RAB31: variants seen among roughly 807,000 people sequenced by gnomAD.
The protein encoded by RAB31 is ras-related protein Rab-31.
A neutral mutation model predicts 25.6 loss-of-function variants in RAB31; 21 were observed. The ratio of observed to expected loss-of-function variants is 0.82; its 90% CI spans 0.58 to 1.18. RAB31 has a LOEUF of 1.18. RAB31 is among the 50% of genes most tolerant of loss of function. The pLI is 0.00. For synonymous variants in RAB31, 87 were observed against 84.0 expected (o/e 1.04, Z -0.20); for missense variants, 196 against 250.1 (o/e 0.78, Z 1.46).
chr18:9,807,615 G>T (rs970199204), intron 3 of RAB31, among the ~76,000 whole-genome samples: 8 of 152,086 alleles, frequency 5.3e-5, no homozygotes, highest in African/African-American at 1.9e-4. Flanking sequence ...TTAAATCATT[G>T]ATTTATTTTT....
At chr18:9,851,268 T>C (rs892706812) in intron 6 of RAB31, among the ~76,000 whole-genome samples, 9 of 152,300 alleles carry the variant, frequency 5.9e-5, no homozygotes, top group Middle Eastern at 3.4e-3. Flanking sequence ...ATTTAGTGAA[T>C]GTAAAATAAT....
rs549896279 is a variant in RAB31, at chr18:9,859,626, G to A, written c.*301G>A. On this transcript the variant is annotated 3_prime_UTR_variant, in exon 7 of 7. Coordinates refer to ENST00000578921, the MANE Select transcript of RAB31 (RefSeq NM_006868.4). ...AAAACCTTTAAAAATTGTTGGATGT[G>A]TACAAAAGTCTTACTGCCTTATTAT... 2.0e-5 allele frequency: 5 copies of A among 245,442 alleles called. No homozygotes were observed. The South Asian group carries it at 4.9e-4, about 24-fold the overall frequency. The allele number at this position is 245,442 out of a possible 1,614,324, so 15.2% of individuals were successfully genotyped here.
chr18:9,720,778 A>C (rs1314269628), intron 1 of RAB31, among the ~76,000 whole-genome samples: 1 of 151,218 alleles, frequency 6.6e-6, no homozygotes, highest in Non-Finnish European at 1.5e-5. Flanking sequence ...GGACAAGGAG[A>C]TGCTTGACAG....
chr18:9,729,767 G>A (rs79547694), intron 1 of RAB31, among the ~76,000 whole-genome samples: 3,136 of 151,462 alleles, frequency 0.021, 111 homozygotes, highest in South Asian at 0.15. Flanking sequence ...ATTTCCATGT[G>A]TATGTGTGTC....
Position 9,765,045 on chromosome 18 carries a change from T to C in RAB31, c.40-10233T>C, listed in dbSNP as rs190148049. 5.7e-3 allele frequency among the ~76,000 whole-genome samples: 861 copies of C among 152,182 alleles called. 3 individuals carry two copies. The highest frequency in any genetic ancestry group is 9.3e-3 in the Non-Finnish European group (634 of 67,990). Reference sequence around the variant, plus strand: ...TTGGCTCACGGCAACCTACGCCTCCTGGGCTCAAGCAATTCTCTTGCCTCA... The same window carrying C: ...TTGGCTCACGGCAACCTACGCCTCCCGGGCTCAAGCAATTCTCTTGCCTCA... On this transcript the variant is annotated intron_variant, in intron 1 of 6. Coordinates refer to ENST00000578921, the MANE Select transcript of RAB31 (RefSeq NM_006868.4).
intron 1 of RAB31, among the ~76,000 whole-genome samples, chr18:9,747,626 T>C (rs2068212295): frequency 6.6e-6 from 1 of 152,192 alleles, no homozygotes; most frequent in Non-Finnish European, 1.5e-5. Context: ...ACATATTGTG[T>C]GATTCCTTTC....
rs563000295 is a variant in RAB31, at chr18:9,833,323, C to T, written c.381-12259C>T. 9.9e-5 allele frequency among the ~76,000 whole-genome samples: 15 copies of T among 152,244 alleles called. No individual in the cohort carries two copies. The South Asian group carries it at 1.7e-3, about 17-fold the overall frequency. The stretch of plus-strand genomic sequence containing the variant: ...GTGCTTTGGCTCCTGGGGTTCTGCC[C>T]GCAGCCCACAGGGGCCCGGAAGTGT... On this transcript the variant is annotated intron_variant, in intron 5 of 6. Transcript: ENST00000578921.
In RAB31 at chr18:9,708,983, A is replaced by C. The variant is rs1348360735; in HGVS notation, c.39+539A>C. On this transcript the variant is annotated intron_variant, in intron 1 of 6. Coordinates refer to ENST00000578921, the MANE Select transcript of RAB31 (RefSeq NM_006868.4). The surrounding 1 kb of genome is among the most constrained non-coding windows in gnomAD (Gnocchi z 6.4). The stretch of plus-strand genomic sequence containing the variant: ...TTTACTCACGTAAAACAGAAAAATA[A>C]AACCAAAAGCGAACCCAGCCAAGGG... 6.6e-6 allele frequency among the ~76,000 whole-genome samples: 1 copy of C among 152,232 alleles called. No homozygotes were observed. Among genetic ancestry groups the C allele is most frequent in the Non-Finnish European group, 1.5e-5 (1 of 68,032 alleles).
At chr18:9,767,551 C>T (rs925756811) in intron 1 of RAB31, among the ~76,000 whole-genome samples, 2 of 152,074 alleles carry the variant, frequency 1.3e-5, no homozygotes, top group Admixed American at 6.5e-5. Context: ...CCACTTTGAT[C>T]GAGTCACAAT....
chr18:9,801,933 G>T (rs1028455011), intron 3 of RAB31, among the ~76,000 whole-genome samples: 1 of 152,190 alleles, frequency 6.6e-6, no homozygotes, highest in African/African-American at 2.4e-5. Flanking sequence ...TTATTGAAAA[G>T]ACTATTCTTT....
intron 3 of RAB31, 138 bp downstream of exon 3, chr18:9,792,373 A>C (rs1599040437): frequency 7.1e-7 from 1 of 1,417,458 alleles, no homozygotes; most frequent in East Asian, 2.6e-5. Flanking sequence ...CAAAAAGAAA[A>C]TGTACTCATT....
At chr18:9,841,520 T>TA (rs573469616) in intron 5 of RAB31, among the ~76,000 whole-genome samples, 163 of 125,950 alleles carry the variant, frequency 1.3e-3, no homozygotes, top group South Asian at 7.3e-3. Context: ...GCCTGGGCGA[T>TA]AGAGTGAGAC....
Position 9,792,378 on chromosome 18 carries a change from C to T in RAB31, c.201+143C>T, listed in dbSNP as rs533235209. On this transcript the variant is annotated intron_variant, in intron 3 of 6. Transcript: ENST00000578921. ...ATGATGTAAGCAAAAAGAAAATGTA[C>T]TCATTAGCTATGTGAAAAGTCTAAG... The T allele has an allele frequency of 3.6e-6, 5 of 1,405,176 alleles. No homozygotes were observed. In the East Asian group the frequency reaches 7.9e-5, roughly 22 times the overall value. The allele number at this position is 1,405,176 out of a possible 1,614,324, so 87.0% of individuals were successfully genotyped here.
rs912209242 is a variant in RAB31, at chr18:9,862,445, A to T, written c.*3120A>T. The T allele has an allele frequency of 1.3e-5, 2 of 152,206 alleles. No individual in the cohort carries two copies. Among genetic ancestry groups the T allele is most frequent in the African/African-American group, 4.8e-5 (2 of 41,452 alleles). The allele number at this position is 152,206 out of a possible 1,614,324, so 9.4% of individuals were successfully genotyped here. On this transcript the variant is annotated 3_prime_UTR_variant, in exon 7 of 7. Transcript: ENST00000578921. ...TGCAGTCAGCTAGGACCTTTCCGCC[A>T]TGTATTCTATTCTGTAGTAAAGCAT...
At chr18:9,719,376 A>G (rs7505634) in intron 1 of RAB31, among the ~76,000 whole-genome samples, 4,528 of 128,826 alleles carry the variant, frequency 0.035, 152 homozygotes, top group Middle Eastern at 0.11. Context: ...ATGATCTAGT[A>G]GTGAAATGAT....
chr18:9,746,613 A>G (rs762517333), intron 1 of RAB31, among the ~76,000 whole-genome samples: 15 of 152,244 alleles, frequency 9.9e-5, no homozygotes, highest in Non-Finnish European at 1.6e-4. Flanking sequence ...AAATAAATTC[A>G]TACATTTATG....
At chr18:9,796,474 T>C (rs1415946453) in intron 3 of RAB31, among the ~76,000 whole-genome samples, 1 of 152,226 alleles carries the variant, frequency 6.6e-6, no homozygotes, top group East Asian at 1.9e-4. Context: ...AGATGTGGAA[T>C]TGCTAGTTCA....
intron 1 of RAB31, among the ~76,000 whole-genome samples, chr18:9,755,515 A>G (rs1422203017): frequency 6.6e-6 from 1 of 152,196 alleles, no homozygotes; most frequent in Non-Finnish European, 1.5e-5. Context: ...CACGCTGTCA[A>G]TTTTAGCTCA....
intron 1 of RAB31, among the ~76,000 whole-genome samples, chr18:9,727,834 A>C (rs2068102901): frequency 6.6e-6 from 1 of 152,236 alleles, no homozygotes; most frequent in African/African-American, 2.4e-5. Flanking sequence ...TAAGGTATGC[A>C]ATATGATGTT....
Sources: gnomAD v4.1 joint callset for allele counts (sites outside exome capture counted in the v4.1 genomes callset) on GRCh38, gnomAD v4.1.1 for gene constraint, Gnocchi (gnomAD v3.1) non-coding constraint, MANE v1.5 for transcripts, NCBI Gene and HGNC (gene_info 2026-07-23, HGNC 2026-07-21) for gene names.